Variants in TEX26 observed in about 807,000 individuals in gnomAD.
TEX26 encodes testis-expressed protein 26.
In TEX26, 34 loss-of-function variants were observed where a neutral mutation model predicts 35.3. The observed-to-expected ratio is 0.96, with a 90% CI of 0.73 to 1.28. TEX26 has a LOEUF of 1.28. Among genes scored for constraint, TEX26 ranks in the 50% most tolerant of loss-of-function variants. The pLI, the probability that TEX26 is intolerant of heterozygous loss-of-function variation, is 0.00. For missense variants in TEX26, 371 were observed against 330.1 expected (o/e 1.12, Z -0.96); for synonymous variants, 136 against 111.8 (o/e 1.22, Z -1.36).
At chr13:30,969,779 T>A (rs1954655251) in intron 6 of TEX26, among the ~76,000 whole-genome samples, 1 of 152,174 alleles carries the variant, frequency 6.6e-6, no homozygotes, top group African/African-American at 2.4e-5. Context: ...TATATTCATA[T>A]GCCAACTAAA....
intron 6 of TEX26, 120 bp downstream of exon 6, chr13:30,969,166 CAAA>C: frequency 3.0e-5 from 18 of 603,262 alleles, no homozygotes; most frequent in Admixed American, 3.6e-5. Context: ...AACATTGCCT[CAAA>C]AAAAAAAAAA....
At chr13:30,967,342 C>A (rs1954573492) in intron 5 of TEX26, among the ~76,000 whole-genome samples, 2 of 152,158 alleles carry the variant, frequency 1.3e-5, no homozygotes, top group Admixed American at 1.3e-4. Flanking sequence ...CTTCCTGACT[C>A]CATCCTTGCC....
chr13:30,968,211 T>C (rs1954603713), intron 5 of TEX26, among the ~76,000 whole-genome samples: 1 of 152,180 alleles, frequency 6.6e-6, no homozygotes, highest in African/African-American at 2.4e-5. Context: ...TGCTTTTATA[T>C]CATCTTGAGG....
chr13:30,933,047 G>T (rs1034469760), intron 1 of TEX26: 2 of 371,368 alleles, frequency 5.4e-6, no homozygotes, highest in African/African-American at 2.0e-5. Context: ...GCTAAGAGGG[G>T]ACAGGAAAAA....
chr13:30,949,099 T>C (rs576465051), intron 2 of TEX26, among the ~76,000 whole-genome samples: 106 of 152,324 alleles, frequency 7.0e-4, no homozygotes, highest in Non-Finnish European at 1.2e-3. Context: ...CATTGGTCTA[T>C]ATCTCTGTTT....
chr13:30,952,844 A>G lies in TEX26; in HGVS notation c.312+19A>G. 1 of 1,604,804 alleles carries G rather than the reference A, an allele frequency of 6.2e-7. No individual in the cohort carries two copies. Among genetic ancestry groups the G allele is most frequent in the Non-Finnish European group, 8.5e-7 (1 of 1,174,030 alleles). On this transcript the variant is annotated intron_variant, in intron 3 of 6. Coordinates refer to ENST00000380473, the MANE Select transcript of TEX26 (RefSeq NM_152325.3). ...CAATGAAGTAAGATAATATCTACATATGTGTTGAATTTAATACTGTACTGT... is the reference window on the plus strand; with the variant it reads ...CAATGAAGTAAGATAATATCTACATGTGTGTTGAATTTAATACTGTACTGT...
intron 5 of TEX26, among the ~76,000 whole-genome samples, chr13:30,967,241 T>G (rs1472926768): frequency 1.3e-5 from 2 of 152,152 alleles, no homozygotes; most frequent in African/African-American, 4.8e-5. Flanking sequence ...CAAGTAGCAC[T>G]TGAGACAATA....
intron 4 of TEX26, among the ~76,000 whole-genome samples, chr13:30,960,573 C>G (rs888561220): frequency 2.6e-5 from 4 of 152,118 alleles, no homozygotes; most frequent in African/African-American, 4.8e-5. Context: ...TAATCTAGCT[C>G]TTCATTAAAT....
At chr13:30,974,385 A>T (rs965744972) in intron 6 of TEX26, among the ~76,000 whole-genome samples, 1 of 152,058 alleles carries the variant, frequency 6.6e-6, no homozygotes, top group African/African-American at 2.4e-5. Context: ...ATTACTATGC[A>T]CCCAGTAACA....
At chr13:30,967,980 T>C (rs1319548412) in intron 5 of TEX26, among the ~76,000 whole-genome samples, 1 of 152,168 alleles carries the variant, frequency 6.6e-6, no homozygotes, top group Non-Finnish European at 1.5e-5. Flanking sequence ...ACAGGAGATG[T>C]CCTGAAAGAA....
In TEX26 at chr13:30,952,726, A is replaced by G. The variant is rs544867356; in HGVS notation, c.213A>G (p.Gln71=). ...SLSDPILNQT[Q]YSDEYTWKSH... ...GTGATCCTATTCTCAATCAGACACA[A>G]TATAGTGATGAGTACACTTGGAAAT... The change falls in exon 3 of 7, where the codon CAA becomes CAG. Residue 71 remains glutamine, a synonymous_variant. Transcript: ENST00000380473. 3.7e-6 allele frequency: 6 copies of G among 1,612,992 alleles called. No homozygotes were observed. The South Asian group carries it at 5.5e-5, about 15-fold the overall frequency.
At chr13:30,962,717 G>A (rs947200882) in intron 4 of TEX26, among the ~76,000 whole-genome samples, 1 of 152,376 alleles carries the variant, frequency 6.6e-6, no homozygotes, top group African/African-American at 2.4e-5. Flanking sequence ...GTCAGGCTTA[G>A]AGAACGTGGC....
chr13:30,936,875 A>C, intron 1 of TEX26: 1 of 985,490 alleles, frequency 1.0e-6, no homozygotes, highest in Non-Finnish European at 1.2e-6. Context: ...ACAGATTTTC[A>C]GAATATTGTG....
intron 5 of TEX26, among the ~76,000 whole-genome samples, chr13:30,967,186 G>A (rs118141394): frequency 0.044 from 6,654 of 152,292 alleles, 216 homozygotes; most frequent in Non-Finnish European, 0.064. Context: ...CAGAAAACTT[G>A]GTGTCAGTCT....
In TEX26 at chr13:30,957,042, G is replaced by C; in HGVS notation, c.469+13G>C. 1.2e-5 allele frequency: 19 copies of C among 1,610,780 alleles called. No homozygotes were observed. The highest frequency in any genetic ancestry group is 1.6e-5 in the Non-Finnish European group (19 of 1,177,512). On this transcript the variant is annotated intron_variant, in intron 4 of 6. Coordinates refer to ENST00000380473, the MANE Select transcript of TEX26 (RefSeq NM_152325.3). ...GACAGATCAAAAGGTAAACACTTTT[G>C]TTTTTCTTTTTTTCCTGGGTCATGT...
chr13:30,965,980 A>G (rs1190975588), intron 4 of TEX26, among the ~76,000 whole-genome samples: 1 of 152,214 alleles, frequency 6.6e-6, no homozygotes, highest in East Asian at 1.9e-4. Context: ...AGACAGACCC[A>G]GTGGAGTGAT....
intron 1 of TEX26, among the ~76,000 whole-genome samples, chr13:30,937,630 G>A (rs192736263): frequency 1.6e-4 from 25 of 152,294 alleles, no homozygotes; most frequent in Non-Finnish European, 5.9e-5. Context: ...AGCATAAAGC[G>A]ATGCCCACTA....
chr13:30,965,770 C>T (rs1301023496), intron 4 of TEX26, among the ~76,000 whole-genome samples: 1 of 152,082 alleles, frequency 6.6e-6, no homozygotes, highest in Admixed American at 6.6e-5. Flanking sequence ...ATACAGCACC[C>T]CATCTAAGCC....
At chr13:30,961,595 C>T (rs547962635) in intron 4 of TEX26, among the ~76,000 whole-genome samples, 1 of 152,292 alleles carries the variant, frequency 6.6e-6, no homozygotes, top group African/African-American at 2.4e-5. Context: ...AGTTTGGGGA[C>T]AGAGGAGTCC....
Sources: allele counts gnomAD v4.1 joint callset (sites outside exome capture counted in the v4.1 genomes callset), GRCh38; gene constraint gnomAD v4.1.1; transcripts MANE v1.5; gene names NCBI Gene and HGNC (gene_info 2026-07-23, HGNC 2026-07-21).